Variants in GHRL observed in about 807,000 individuals in gnomAD.
GHRL encodes ghrelin and obestatin prepropeptide.
In GHRL, 24 loss-of-function variants were observed where a neutral mutation model predicts 16.9. That is an observed-to-expected ratio of 1.42 (90% CI 1.03 to 2.00). The LOEUF is 2.00. GHRL is among the 30% of genes most tolerant of loss of function. The pLI, the probability that GHRL is intolerant of heterozygous loss-of-function variation, is 0.00. For synonymous variants in GHRL, 63 were observed against 58.2 expected, an observed-to-expected ratio of 1.08 and a Z score of -0.37; for missense variants, 193 against 142.1, an observed-to-expected ratio of 1.36 and a Z score of -1.82.
chr3:10,290,281 C>A, intron 2 of GHRL, 72 bp from the exon 3 acceptor site: 1 of 1,459,424 alleles, frequency 6.9e-7, no homozygotes, highest in Non-Finnish European at 9.3e-7. Context: ...AGGTAGGAGC[C>A]CAGCAGATGG....
At chr3:10,287,747 G>A (rs1359543255) in intron 4 of GHRL, among the ~76,000 whole-genome samples, 2 of 152,056 alleles carry the variant, frequency 1.3e-5, no homozygotes, top group African/African-American at 2.4e-5. Context: ...GAGGCCAGGC[G>A]TCCTCAGTGC....
At chr3:10,286,993 C>T (rs1699182505) in intron 4 of GHRL, 181 bp from the exon 5 acceptor site, 1 of 549,150 alleles carries the variant, frequency 1.8e-6, no homozygotes, top group Non-Finnish European at 3.3e-6. Flanking sequence ...AGGACCACAG[C>T]TCACCTTCCC....
At position 10,285,672 on chromosome 3, in the gene GHRL, T is replaced by A. The variant is rs1698950795; in HGVS notation, c.*203A>T. The A allele has an allele frequency of 1.9e-6, 1 of 524,170 alleles. No homozygotes were observed. The highest frequency in any genetic ancestry group is 2.6e-5 in the South Asian group (1 of 38,782). The allele number at this position is 524,170 out of a possible 1,614,324, so 32.5% of individuals were successfully genotyped here. ...GACCATAAACCAAGAATTATTTTTA[T>A]TTGTATTATTTTGATTTTTTTAAAG... On this transcript the variant is annotated 3_prime_UTR_variant, in exon 6 of 6. Coordinates refer to ENST00000335542, the MANE Select transcript of GHRL (RefSeq NM_016362.5).
At chr3:10,289,167 C>T (rs1699545945) in intron 4 of GHRL, among the ~76,000 whole-genome samples, 3 of 152,226 alleles carry the variant, frequency 2.0e-5, no homozygotes, top group South Asian at 2.1e-4. Context: ...GCATAGAAAA[C>T]CCCGTAAAAT....
At chr3:10,292,634 C>A in intron 1 of GHRL, 1 of 547,702 alleles carries the variant, frequency 1.8e-6, no homozygotes, top group Non-Finnish European at 3.2e-6. Flanking sequence ...GAGGTCTTCA[C>A]AGGCCTGTCT....
intron 4 of GHRL, among the ~76,000 whole-genome samples, chr3:10,289,298 G>A (rs1434154211): frequency 6.6e-6 from 1 of 152,154 alleles, no homozygotes; most frequent in East Asian, 1.9e-4. Flanking sequence ...GAGGTGAGTG[G>A]GTGCCGGAGC....
Position 10,291,396 on chromosome 3 carries a change from G to T in GHRL, c.-710C>A. On this transcript the variant is annotated 5_prime_UTR_variant, in exon 2 of 6. It adds an upstream start codon to the 5' untranslated region. Coordinates refer to ENST00000335542, the MANE Select transcript of GHRL (RefSeq NM_016362.5). ...TAGCAGCTTGCCTTGCCTCCCTCCA[G>T]CAGCTTTGGTCCCTATTTTAGCGGA... 1 of 985,514 alleles carries T rather than the reference G, an allele frequency of 1.0e-6. No homozygotes were observed. Among genetic ancestry groups the T allele is most frequent in the Non-Finnish European group, 1.2e-6 (1 of 829,984 alleles). The allele number at this position is 985,514 out of a possible 1,614,324, so 61.0% of individuals were successfully genotyped here.
At chr3:10,290,290 G>A (rs777821842) in intron 2 of GHRL, 81 bp from the exon 3 acceptor site, 5 of 1,360,102 alleles carry the variant, frequency 3.7e-6, no homozygotes, top group Non-Finnish European at 5.0e-6. Context: ...CCCAGCAGAT[G>A]GCGTGAAGGG....
chr3:10,291,648 T>C (rs1362150649), intron 1 of GHRL, among the ~76,000 whole-genome samples, 197 bp from the exon 2 acceptor site: 3 of 152,210 alleles, frequency 2.0e-5, no homozygotes, highest in Non-Finnish European at 4.4e-5. Flanking sequence ...CTTCCCAGCA[T>C]AGGCCAAGGC....
Position 10,291,088 on chromosome 3 carries a change from T to C in GHRL, c.-402A>G, listed in dbSNP as rs1026380148. The C allele has an allele frequency of 2.0e-6, 2 of 985,466 alleles. No individual in the cohort carries two copies. Among genetic ancestry groups the C allele is most frequent in the Admixed American group, 6.1e-5 (1 of 16,262 alleles). 61.0% of individuals were successfully genotyped at this position (985,466 alleles called of 1,614,324 possible). ...ACTCGCCCTTTCTCCCTGGGTAAAA[T>C]GAGGCTGTCATCACTAGGAGAGCTC... On this transcript the variant is annotated 5_prime_UTR_variant, in exon 2 of 6. Coordinates refer to ENST00000335542, the MANE Select transcript of GHRL (RefSeq NM_016362.5).
At chr3:10,288,848 G>T (rs1464931764) in intron 4 of GHRL, among the ~76,000 whole-genome samples, 1 of 152,202 alleles carries the variant, frequency 6.6e-6, no homozygotes, top group Non-Finnish European at 1.5e-5. Flanking sequence ...AGGGCTTGGG[G>T]ACTGGAGTCA....
At position 10,289,784 on chromosome 3, in the gene GHRL, G is replaced by GC; in HGVS notation, c.202dup (p.Ala68GlyfsTer4). On this transcript the variant is annotated frameshift_variant, in exon 4 of 6. Coordinates refer to ENST00000335542, the MANE Select transcript of GHRL (RefSeq NM_016362.5). LOFTEE classifies it high-confidence loss of function. ...GACCCGGACTTCCAGTTCATCCTCT[G>GC]CCCCTTCTGCTTGACCTCCATCTTC... 7 of 1,608,792 alleles carry GC rather than the reference G, an allele frequency of 4.4e-6. No individual in the cohort carries two copies. The highest frequency in any genetic ancestry group is 6.0e-6 in the Non-Finnish European group (7 of 1,175,500).
In GHRL at chr3:10,291,006, G is replaced by A. The variant is rs1200336958; in HGVS notation, c.-320C>T. On this transcript the variant is annotated 5_prime_UTR_variant, in exon 2 of 6. Transcript: ENST00000335542. ...GGGCATGGCCCTGGTGGAGGAGGGAGGGAGGAGAGTGGCTCTGGGGTCTGG... is the reference window on the plus strand; with the variant it reads ...GGGCATGGCCCTGGTGGAGGAGGGAAGGAGGAGAGTGGCTCTGGGGTCTGG... The A allele has an allele frequency of 1.0e-6, 1 of 985,552 alleles. No individual in the cohort carries two copies. The highest frequency in any genetic ancestry group is 1.2e-6 in the Non-Finnish European group (1 of 829,894). 61.1% of individuals were successfully genotyped at this position (985,552 alleles called of 1,614,324 possible).
chr3:10,285,992 G>T, intron 5 of GHRL, 98 bp from the exon 6 acceptor site: 2 of 1,105,026 alleles, frequency 1.8e-6, no homozygotes, highest in South Asian at 1.3e-5. Flanking sequence ...TAATGGTGGG[G>T]GTTGTGGGGA....
Position 10,285,667 on chromosome 3 carries a change from T to G in GHRL, c.*208A>C. On this transcript the variant is annotated 3_prime_UTR_variant, in exon 6 of 6. Coordinates refer to ENST00000335542, the MANE Select transcript of GHRL (RefSeq NM_016362.5). The stretch of plus-strand genomic sequence containing the variant: ...CCACAGACCATAAACCAAGAATTAT[T>G]TTTATTTGTATTATTTTGATTTTTT... The G allele has an allele frequency of 1.9e-6, 1 of 515,920 alleles. No individual in the cohort carries two copies. Among genetic ancestry groups the G allele is most frequent in the Non-Finnish European group, 3.5e-6 (1 of 283,560 alleles). The allele number at this position is 515,920 out of a possible 1,614,324, so 32.0% of individuals were successfully genotyped here.
chr3:10,290,211 TG>T lies in GHRL; in HGVS notation c.-29-3del, dbSNP rs745412337. On this transcript the variant is annotated splice_polypyrimidine_tract_variant and splice_region_variant and intron_variant, in intron 2 of 5. Coordinates refer to ENST00000335542, the MANE Select transcript of GHRL (RefSeq NM_016362.5). ...CAGCTGGGTTGCAGACAGGTGGGCC[TG>T]GGGGAGAGAGGGTCTCCAGGCAGCT... 1.2e-5 allele frequency: 19 copies of T among 1,593,342 alleles called. No homozygotes were observed. The highest frequency in any genetic ancestry group is 9.0e-5 in the East Asian group (4 of 44,252).
At chr3:10,290,457 C>T (rs1181782735) in intron 2 of GHRL, 2 of 426,704 alleles carry the variant, frequency 4.7e-6, no homozygotes, top group Admixed American at 3.5e-5. Context: ...TCCCCGGTGC[C>T]TTTTGTCCCA....
In GHRL at chr3:10,289,825, T is replaced by C. The variant is rs1699685096; in HGVS notation, c.162A>G (p.Ala54=). ...CTCCATCTTCCGGGCGGAGCCAGCC[T>C]GCTAGAGCTCGGGGCTGCAGCTTGG... ...PPAKLQPRAL[A]GWLRPEDGGQ... is the part of the protein sequence containing the mutation. The change falls in exon 4 of 6, where the codon GCA becomes GCG. Residue 54 remains alanine, a synonymous_variant. Transcript: ENST00000335542. 1.9e-6 allele frequency: 3 copies of C among 1,613,930 alleles called. No individual in the cohort carries two copies. The South Asian group carries it at 3.3e-5, about 18-fold the overall frequency.
At chr3:10,289,179 C>G (rs1426091666) in intron 4 of GHRL, among the ~76,000 whole-genome samples, 1 of 152,228 alleles carries the variant, frequency 6.6e-6, no homozygotes, top group Non-Finnish European at 1.5e-5. Context: ...CCGTAAAATC[C>G]TTTACTCCCT....
Sources: gnomAD v4.1 joint callset for allele counts (sites outside exome capture counted in the v4.1 genomes callset) on GRCh38, gnomAD v4.1.1 for gene constraint, MANE v1.5 for transcripts, NCBI Gene and HGNC (gene_info 2026-07-23, HGNC 2026-07-21) for gene names.